Variants in GRK3 observed in about 807,000 individuals in gnomAD.
GRK3 encodes adrenergic, beta, receptor kinase 2.
Under a neutral mutation model 95.7 loss-of-function variants are expected in GRK3, and 54 were observed. The ratio of observed to expected loss-of-function variants is 0.56; its 90% CI spans 0.45 to 0.71. The LOEUF is 0.71. Among genes scored for constraint, GRK3 ranks in the 30% least tolerant of loss-of-function variants. The pLI is 0.00. For missense variants in GRK3, 649 were observed against 851.2 expected, an observed-to-expected ratio of 0.76 and a Z score of 2.96; for synonymous variants, 281 against 290.8, an observed-to-expected ratio of 0.97 and a Z score of 0.34.
chr22:25,572,590 T>C (rs887639769), intron 1 of GRK3, among the ~76,000 whole-genome samples: 42 of 152,210 alleles, frequency 2.8e-4, no homozygotes, highest in African/African-American at 9.4e-4. Flanking sequence ...CTTTCTTGCT[T>C]GCTTGCTTTC....
At chr22:25,620,375 C>T (rs1035647339) in intron 2 of GRK3, among the ~76,000 whole-genome samples, 1 of 152,082 alleles carries the variant, frequency 6.6e-6, no homozygotes, top group African/African-American at 2.4e-5. Context: ...ATTAGGTTGC[C>T]AGGAACATGT....
chr22:25,600,505 A>G (rs534044667), intron 1 of GRK3, among the ~76,000 whole-genome samples: 45 of 152,320 alleles, frequency 3.0e-4, no homozygotes, highest in African/African-American at 1.1e-3. Context: ...AGAAAGAAAC[A>G]ATGAGAAATA....
chr22:25,710,003 C>T (rs1568938545), intron 16 of GRK3, 39 bp downstream of exon 16: 1 of 1,440,472 alleles, frequency 6.9e-7, no homozygotes, highest in South Asian at 1.1e-5. Context: ...GGTACTGCCG[C>T]CCCGCCCTTA....
At chr22:25,694,348 T>G (rs2085189620) in intron 12 of GRK3, among the ~76,000 whole-genome samples, 1 of 152,218 alleles carries the variant, frequency 6.6e-6, no homozygotes, top group Non-Finnish European at 1.5e-5. Context: ...TGCTTCCTGC[T>G]GCAGCCGGGC....
At chr22:25,628,174 A>G (rs2084640799) in intron 2 of GRK3, among the ~76,000 whole-genome samples, 1 of 152,340 alleles carries the variant, frequency 6.6e-6, no homozygotes, top group East Asian at 1.9e-4. Context: ...TCAAATTGAT[A>G]AAAAGCCCAA....
chr22:25,601,984 C>T (rs77340170), intron 1 of GRK3, among the ~76,000 whole-genome samples: 2,173 of 152,254 alleles, frequency 0.014, 50 homozygotes, highest in African/African-American at 0.048. Flanking sequence ...AATTGGAACT[C>T]ATCAACTAAG....
chr22:25,718,115 C>T (rs2085401137), intron 18 of GRK3, 130 bp from the exon 19 acceptor site: 4 of 1,003,430 alleles, frequency 4.0e-6, no homozygotes, highest in Non-Finnish European at 3.0e-6. Flanking sequence ...ATCGTGACTT[C>T]TGTAATGCGT....
At position 25,631,270 on chromosome 22, in the gene GRK3, T is replaced by C. The variant is rs186578132; in HGVS notation, c.191-13322T>C. Among the ~76,000 whole-genome samples the C allele has an allele frequency of 3.3e-5, 5 of 152,370 alleles. No homozygotes were observed. The East Asian group carries it at 9.6e-4, about 29-fold the overall frequency. On this transcript the variant is annotated intron_variant, in intron 2 of 20. Transcript: ENST00000324198. ...TGAAGAATGTTGTGTATCCTGGACG[T>C]GTCAGAGTACTTGTTTATGACCTCT...
intron 1 of GRK3, among the ~76,000 whole-genome samples, chr22:25,585,015 A>T (rs1416002126): frequency 6.6e-6 from 1 of 152,290 alleles, no homozygotes; most frequent in Non-Finnish European, 1.5e-5. Context: ...AGGTAATCCT[A>T]AAGTCTAGGT....
chr22:25,598,176 G>A (rs1407973446), intron 1 of GRK3, among the ~76,000 whole-genome samples: 1 of 152,110 alleles, frequency 6.6e-6, no homozygotes, highest in African/African-American at 2.4e-5. Flanking sequence ...GACAGGACAT[G>A]GAAATGTAAA....
chr22:25,621,063 T>C (rs962220686), intron 2 of GRK3, among the ~76,000 whole-genome samples: 5 of 152,258 alleles, frequency 3.3e-5, no homozygotes, highest in African/African-American at 1.2e-4. Context: ...AAAAGCAGCA[T>C]GTTTCATTTA....
chr22:25,695,245 CCT>C, intron 13 of GRK3, 31 bp downstream of exon 13: 11 of 1,492,368 alleles, frequency 7.4e-6, no homozygotes, highest in Non-Finnish European at 1.0e-5. Flanking sequence ...CTAGTGCTGT[CCT>C]CATGGCAGCA....
At chr22:25,579,695 A>T (rs1193111016) in intron 1 of GRK3, among the ~76,000 whole-genome samples, 1 of 151,858 alleles carries the variant, frequency 6.6e-6, no homozygotes, top group African/African-American at 2.4e-5. Flanking sequence ...GATGGTCTCG[A>T]TCTCCTGACC....
intron 13 of GRK3, among the ~76,000 whole-genome samples, chr22:25,696,059 T>C (rs2085206206): frequency 1.3e-5 from 2 of 151,988 alleles, no homozygotes; most frequent in Non-Finnish European, 2.9e-5. Flanking sequence ...ATGGTCTCGA[T>C]CTCCTGACTG....
intron 1 of GRK3, among the ~76,000 whole-genome samples, chr22:25,602,204 A>G (rs1183196954): frequency 3.3e-5 from 5 of 152,262 alleles, no homozygotes; most frequent in Admixed American, 6.5e-5. Context: ...TCCAATAATC[A>G]TGTACAAACA....
At chr22:25,719,948 A>T (rs1247376712) in intron 19 of GRK3, among the ~76,000 whole-genome samples, 2 of 152,192 alleles carry the variant, frequency 1.3e-5, no homozygotes, top group African/African-American at 2.4e-5. Flanking sequence ...AAGAAAGAAG[A>T]TCTTCCCAAC....
chr22:25,657,790 T>C (rs1194462632), intron 3 of GRK3, among the ~76,000 whole-genome samples: 1 of 152,110 alleles, frequency 6.6e-6, no homozygotes, highest in Non-Finnish European at 1.5e-5. Context: ...TTCTTTCCTC[T>C]CCTTTTAAGA....
chr22:25,710,154 T>C (rs1319014647), intron 16 of GRK3, among the ~76,000 whole-genome samples, 190 bp downstream of exon 16: 1 of 152,208 alleles, frequency 6.6e-6, no homozygotes, highest in African/African-American at 2.4e-5. Context: ...AGTTACCATG[T>C]AGCCAGTTCC....
rs1169575058 is a variant in GRK3 at position 25,584,653 on chromosome 22, T to C, written c.113+19500T>C. 2.0e-5 allele frequency among the ~76,000 whole-genome samples: 3 copies of C among 152,422 alleles called. No individual in the cohort carries two copies. In the East Asian group the frequency reaches 5.8e-4, roughly 29 times the overall value. ...TTGTTATAATTGTTCTATTAGCAGT[T>C]ATTGTTGATCCCTTACTGTGCCTAA... On this transcript the variant is annotated intron_variant, in intron 1 of 20. Coordinates refer to ENST00000324198, the MANE Select transcript of GRK3 (RefSeq NM_005160.4).
Sources: gnomAD v4.1 joint callset for allele counts (sites outside exome capture counted in the v4.1 genomes callset) on GRCh38, gnomAD v4.1.1 for gene constraint, MANE v1.5 for transcripts, NCBI Gene and HGNC (gene_info 2026-07-23, HGNC 2026-07-21) for gene names.